The following PCDHA2 variants were observed in gnomAD, a reference collection of about 807,000 sequenced individuals.
The protein encoded by PCDHA2 is protocadherin alpha 2.
PCDHA2 carries 58 observed loss-of-function variants against 66.0 expected under a neutral mutation model. The observed-to-expected ratio is 0.88, with a 90% CI of 0.71 to 1.09. The LOEUF (loss-of-function observed/expected upper bound fraction) is 1.09, where lower values mean the gene tolerates loss of function less well. Among genes scored for constraint, PCDHA2 ranks in the 50% least tolerant of loss-of-function variants. The pLI, the probability that PCDHA2 is intolerant of heterozygous loss-of-function variation, is 0.00. For synonymous variants in PCDHA2, 634 were observed against 554.0 expected (o/e 1.14, Z -2.03); for missense variants, 1,267 against 1,242.3 (o/e 1.02, Z -0.30).
rs2150214360 is a variant in PCDHA2, at chr5:140,834,230, C to A, written c.2388+36878C>A. On this transcript the variant is annotated intron_variant, in intron 1 of 3. Coordinates refer to ENST00000526136, the MANE Select transcript of PCDHA2 (RefSeq NM_018905.3). Reference sequence around the variant, plus strand: ...TCTTTCGTAATCAGCAAAAGGAAGTCATTCCTTTTCGCACTGGAAAGACGC... The same window carrying A: ...TCTTTCGTAATCAGCAAAAGGAAGTAATTCCTTTTCGCACTGGAAAGACGC... 11 of 727,690 alleles carry A rather than the reference C, an allele frequency of 1.5e-5. No individual in the cohort carries two copies. In the African/African-American group the frequency reaches 1.8e-4, roughly 12 times the overall value. The allele number at this position is 727,690 out of a possible 1,614,324, so 45.1% of individuals were successfully genotyped here. A position where few individuals can be genotyped will look rare whatever the true frequency, so the allele number is the denominator to read the frequency against.
In PCDHA2 at chr5:140,809,088, C is replaced by T. The variant is rs1202399974; in HGVS notation, c.2388+11736C>T. ...CTGTACACTGGCGAGATCAGCACAA[C>T]GCGTGCCCTGGACGAAACGGACGCT... On this transcript the variant is annotated intron_variant, in intron 1 of 3. Coordinates refer to ENST00000526136, the MANE Select transcript of PCDHA2 (RefSeq NM_018905.3). The T allele has an allele frequency of 4.3e-6, 7 of 1,613,836 alleles. No homozygotes were observed. In the Admixed American group the frequency reaches 5.0e-5, roughly 12 times the overall value.
chr5:140,808,537 C>A, intron 1 of PCDHA2: 1 of 1,614,170 alleles, frequency 6.2e-7, no homozygotes, highest in South Asian at 1.1e-5. Flanking sequence ...ATGTGAACGA[C>A]AACGCTCCGG....
intron 1 of PCDHA2, chr5:140,822,176 G>A (rs2150114361): frequency 6.2e-7 from 1 of 1,614,274 alleles, no homozygotes; most frequent in East Asian, 2.2e-5. Context: ...AGGTTCTCCA[G>A]ACAAGAACAA....
chr5:140,856,559 C>G lies in PCDHA2; in HGVS notation c.2388+59207C>G, dbSNP rs782226001. On this transcript the variant is annotated intron_variant, in intron 1 of 3. Coordinates refer to ENST00000526136, the MANE Select transcript of PCDHA2 (RefSeq NM_018905.3). ...AGAGAACGCATTGCTTACTTACAAACTCAGTCCAAATGAGTATTTTGTTCT... is the reference window on the plus strand; with the variant it reads ...AGAGAACGCATTGCTTACTTACAAAGTCAGTCCAAATGAGTATTTTGTTCT... 6 of 1,597,988 alleles carry G rather than the reference C, an allele frequency of 3.8e-6. No homozygotes were observed. In the Middle Eastern group the frequency reaches 5.0e-4, roughly 133 times the overall value.
rs2150357213 is a variant in PCDHA2 at position 140,843,314 on chromosome 5, G to T, written c.2388+45962G>T. 3.8e-6 allele frequency: 6 copies of T among 1,596,084 alleles called. 2 individuals carry two copies. Among genetic ancestry groups the T allele is most frequent in the Non-Finnish European group, 5.1e-6 (6 of 1,165,598 alleles). ...ACCTGCGCTGACCGCCACGGCCACG[G>T]TTCTGGTGTCGCTGGTGGAGAGCGG... is the stretch of plus-strand genomic sequence containing the variant. On this transcript the variant is annotated intron_variant, in intron 1 of 3. Transcript: ENST00000526136.
At chr5:140,877,082 C>A in intron 1 of PCDHA2, 1 of 1,613,120 alleles carries the variant, frequency 6.2e-7, no homozygotes, top group African/African-American at 1.3e-5. Flanking sequence ...CAGGTGAGCG[C>A]GCGCGACGCC....
intron 3 of PCDHA2, among the ~76,000 whole-genome samples, chr5:140,998,786 A>G (rs1210415944): frequency 1.3e-5 from 2 of 152,026 alleles, no homozygotes; most frequent in African/African-American, 4.8e-5. Flanking sequence ...CTGGTCTGGA[A>G]CCCCTGACCT....
chr5:140,886,127 C>T (rs1308479455), intron 1 of PCDHA2, among the ~76,000 whole-genome samples: 5 of 152,172 alleles, frequency 3.3e-5, no homozygotes, highest in African/African-American at 1.2e-4. Flanking sequence ...AGTTCCGTAA[C>T]AACCAGATTC....
rs553859456 is a variant in PCDHA2 at position 140,938,056 on chromosome 5, A to G, written c.2389-40893A>G. Among the ~76,000 whole-genome samples, 1,107 of 152,294 alleles carry G rather than the reference A, an allele frequency of 7.3e-3. 4 individuals carry two copies. Among genetic ancestry groups the G allele is most frequent in the Admixed American group, 0.012 (189 of 15,304 alleles). ...TTTATATTTTGGGTTTTCTACATATACTGTCATGCTATTCCCAAATAATGT... is the reference window on the plus strand; with the variant it reads ...TTTATATTTTGGGTTTTCTACATATGCTGTCATGCTATTCCCAAATAATGT... On this transcript the variant is annotated intron_variant, in intron 1 of 3. Coordinates refer to ENST00000526136, the MANE Select transcript of PCDHA2 (RefSeq NM_018905.3).
intron 1 of PCDHA2, among the ~76,000 whole-genome samples, chr5:140,946,628 A>ATATATATATATATATATATATATATATC (rs2093986423): frequency 7.4e-6 from 1 of 134,528 alleles, no homozygotes; most frequent in Non-Finnish European, 1.6e-5. Context: ...ATATATATAT[A>ATATATATATATATATATATATATATATC]TATACAATGG....
intron 1 of PCDHA2, among the ~76,000 whole-genome samples, chr5:140,972,097 T>C (rs1554233843): frequency 1.3e-5 from 2 of 152,196 alleles, no homozygotes; most frequent in South Asian, 2.1e-4. Context: ...ATTTCTGGCA[T>C]AGAAGCAGGT....
chr5:140,848,035 A>G (rs1554141975), intron 1 of PCDHA2: 1 of 158,990 alleles, frequency 6.3e-6, no homozygotes, highest in African/African-American at 2.4e-5. Flanking sequence ...TGATTGCTCA[A>G]TGGAATCATT....
intron 1 of PCDHA2, chr5:140,928,185 C>CA: frequency 1.2e-6 from 2 of 1,614,184 alleles, no homozygotes; most frequent in Non-Finnish European, 1.7e-6. Context: ...GAAGGACAAT[C>CA]ACTGTGTCAG....
intron 1 of PCDHA2, 189 bp downstream of exon 1, chr5:140,797,541 C>A: frequency 2.6e-6 from 2 of 754,938 alleles, no homozygotes; most frequent in Non-Finnish European, 4.3e-6. Context: ...ATCTACATAA[C>A]TGTTTTCTTA....
intron 1 of PCDHA2, chr5:140,864,637 A>G (rs1554159030): frequency 6.6e-6 from 1 of 152,220 alleles, no homozygotes; most frequent in East Asian, 1.9e-4. Flanking sequence ...AAACAAAACA[A>G]AACAATGTCA....
intron 1 of PCDHA2, among the ~76,000 whole-genome samples, chr5:140,911,737 G>A (rs187858302): frequency 3.4e-4 from 51 of 152,238 alleles, no homozygotes; most frequent in African/African-American, 9.9e-4. Flanking sequence ...TTCGTGCCAA[G>A]GACTATCAGT....
At position 140,944,281 on chromosome 5, in the gene PCDHA2, G is replaced by A. The variant is rs987563636; in HGVS notation, c.2389-34668G>A. ...CTGCTCACTGCAGCCTTGACACCCC[G>A]GGCTCAAGCGATCCTCCTACCTCAG... On this transcript the variant is annotated intron_variant, in intron 1 of 3. Coordinates refer to ENST00000526136, the MANE Select transcript of PCDHA2 (RefSeq NM_018905.3). Among the ~76,000 whole-genome samples, 18 of 152,138 alleles carry A rather than the reference G, an allele frequency of 1.2e-4. No individual in the cohort carries two copies. The Middle Eastern group carries it at 0.014, about 115-fold the overall frequency.
intron 1 of PCDHA2, chr5:140,856,456 A>T: frequency 6.3e-7 from 1 of 1,598,478 alleles, no homozygotes; most frequent in Non-Finnish European, 8.6e-7. Flanking sequence ...CCGTAACAGA[A>T]CAAAAGCTCT....
At chr5:140,856,187 A>G (rs781874204) in intron 1 of PCDHA2, 4 of 1,598,212 alleles carry the variant, frequency 2.5e-6, no homozygotes, top group African/African-American at 2.7e-5. Flanking sequence ...CGTGGGCCGC[A>G]TCGCGCAGGA....
Sources: gnomAD v4.1 joint callset for allele counts (sites outside exome capture counted in the v4.1 genomes callset) on GRCh38, gnomAD v4.1.1 for gene constraint, MANE v1.5 for transcripts, NCBI Gene and HGNC (gene_info 2026-07-23, HGNC 2026-07-21) for gene names.